The following TRHDE variants were observed in gnomAD, a reference collection of about 807,000 sequenced individuals.
TRHDE encodes the protein thyrotropin releasing hormone degrading enzyme.
TRHDE carries 72 observed loss-of-function variants against 125.7 expected under a neutral mutation model. The ratio of observed to expected loss-of-function variants is 0.57; its 90% confidence interval spans 0.47 to 0.70. The LOEUF (loss-of-function observed/expected upper bound fraction) is 0.70. Ranked by LOEUF, TRHDE falls within the 30% of genes least tolerant of loss-of-function variation. The pLI is 0.00. For missense variants in TRHDE, 1,110 were observed against 1,327.1 expected, an observed-to-expected ratio of 0.84 and a Z score of 2.54; for synonymous variants, 509 against 509.1, an observed-to-expected ratio of 1.00 and a Z score of 0.00.
At chr12:72,478,922 C>CAAAAA (rs67346703) in intron 5 of TRHDE, among the ~76,000 whole-genome samples, 11 of 106,186 alleles carry the variant, frequency 1.0e-4, no homozygotes, top group East Asian at 2.8e-4. Flanking sequence ...TTTTTTTTAG[C>CAAAAA]AAAAAAAAAA....
chr12:72,380,868 TC>T (rs1872140583), intron 3 of TRHDE, among the ~76,000 whole-genome samples: 1 of 147,996 alleles, frequency 6.8e-6, no homozygotes, highest in African/African-American at 2.5e-5. Flanking sequence ...TCTTTCTCTC[TC>T]TCTCTCTTCT....
At chr12:72,127,784 C>T (rs915990245) in intron 2 of TRHDE, among the ~76,000 whole-genome samples, 2 of 152,068 alleles carry the variant, frequency 1.3e-5, no homozygotes, top group Non-Finnish European at 2.9e-5. Flanking sequence ...AATATACGTA[C>T]ATAACAAACT....
At chr12:72,389,464 C>A (rs968473294) in intron 3 of TRHDE, among the ~76,000 whole-genome samples, 8 of 152,172 alleles carry the variant, frequency 5.3e-5, no homozygotes, top group African/African-American at 1.9e-4. Flanking sequence ...TAACAAAATA[C>A]CATAGACCGG....
At chr12:72,642,833 C>T (rs1432977643) in intron 15 of TRHDE, among the ~76,000 whole-genome samples, 7 of 152,106 alleles carry the variant, frequency 4.6e-5, no homozygotes, top group Non-Finnish European at 8.8e-5. Flanking sequence ...ACTGTGGGTT[C>T]TGTGGGGTGT....
intron 3 of TRHDE, among the ~76,000 whole-genome samples, chr12:72,387,847 GC>G (rs1180942239): frequency 6.6e-6 from 1 of 152,040 alleles, no homozygotes; most frequent in Non-Finnish European, 1.5e-5. Flanking sequence ...TGTGCCTTTT[GC>G]CTTCTGCCAT....
intron 2 of TRHDE, among the ~76,000 whole-genome samples, chr12:72,344,352 G>A (rs1045273861): frequency 1.3e-5 from 2 of 152,016 alleles, no homozygotes; most frequent in African/African-American, 4.8e-5. Context: ...CTTAATAAAG[G>A]TTGCTGCTAT....
intron 1 of TRHDE, among the ~76,000 whole-genome samples, chr12:72,091,015 G>A (rs924975789): frequency 3.9e-5 from 6 of 152,036 alleles, no homozygotes; most frequent in East Asian, 1.9e-4. Context: ...AACTAGAGGC[G>A]TGCACCACCA....
chr12:72,295,142 T>TG (rs1267155985), intron 2 of TRHDE, among the ~76,000 whole-genome samples: 2 of 5,480 alleles, frequency 3.6e-4, no homozygotes, highest in Non-Finnish European at 7.4e-4. Context: ...GGCTGGGGGA[T>TG]GGGGGGTGGT....
intron 3 of TRHDE, among the ~76,000 whole-genome samples, chr12:72,434,779 C>T (rs1460966219): frequency 6.6e-6 from 1 of 152,116 alleles, no homozygotes; most frequent in Non-Finnish European, 1.5e-5. Context: ...CCTCTGTACA[C>T]CTAATCTCTG....
At chr12:72,375,308 G>T (rs1377961291) in intron 2 of TRHDE, among the ~76,000 whole-genome samples, 1 of 152,150 alleles carries the variant, frequency 6.6e-6, no homozygotes, top group Non-Finnish European at 1.5e-5. Context: ...CTAGTACAAT[G>T]CCTAGCACAC....
Position 72,272,896 on chromosome 12 carries a change from CT to C in TRHDE, c.255del (p.Val86CysfsTer105). 6.3e-7 allele frequency: 1 copy of C among 1,579,516 alleles called. No individual in the cohort carries two copies. The highest frequency in any genetic ancestry group is 8.5e-7 in the Non-Finnish European group (1 of 1,170,820). On this transcript the variant is annotated frameshift_variant, in exon 1 of 19. Transcript: ENST00000261180. LOFTEE classifies it high-confidence loss of function. This position sits in a 1 kb window ranked among gnomAD's most constrained non-coding sequence, Gnocchi z 6.7. ...GCGCCACATCGCCGTACACAAGCGGCTTGTGCTGGCCTTCGCTGTGTCCCTC... is the reference window on the plus strand; with the variant it reads ...GCGCCACATCGCCGTACACAAGCGGCTGTGCTGGCCTTCGCTGTGTCCCTC... ...TERHIAVHKR[L>X]VLAFAVSLVA...
chr12:72,127,857 T>C (rs1425441106), intron 2 of TRHDE, among the ~76,000 whole-genome samples: 1 of 152,010 alleles, frequency 6.6e-6, no homozygotes, highest in African/African-American at 2.4e-5. Context: ...CAGAGAGACA[T>C]TGTGTGTATA....
intron 1 of TRHDE, among the ~76,000 whole-genome samples, chr12:72,094,098 C>T (rs1160698740): frequency 6.6e-6 from 1 of 152,174 alleles, no homozygotes; most frequent in Non-Finnish European, 1.5e-5. Context: ...GTTGGTGAGC[C>T]TCTTATCAGG....
intron 6 of TRHDE, among the ~76,000 whole-genome samples, chr12:72,504,385 C>T (rs981519199): frequency 1.1e-4 from 16 of 151,248 alleles, no homozygotes; most frequent in African/African-American, 3.9e-4. Flanking sequence ...CTCACTGTAA[C>T]CTCTGCCTCC....
intron 2 of TRHDE, among the ~76,000 whole-genome samples, chr12:72,213,989 A>T (rs1220425811): frequency 1.3e-5 from 2 of 152,190 alleles, no homozygotes; most frequent in Non-Finnish European, 2.9e-5. Flanking sequence ...CAGTCCTTTT[A>T]ATCGTTGGTC....
intron 3 of TRHDE, among the ~76,000 whole-genome samples, chr12:72,399,102 C>T (rs1322323931): frequency 1.3e-5 from 2 of 152,154 alleles, no homozygotes; most frequent in East Asian, 1.9e-4. Flanking sequence ...CTTTAGGTTG[C>T]ATACTCCTTA....
At chr12:72,473,384 A>T (rs1876741672) in intron 5 of TRHDE, among the ~76,000 whole-genome samples, 1 of 152,164 alleles carries the variant, frequency 6.6e-6, no homozygotes, top group Admixed American at 6.5e-5. Context: ...TTTGCTATTC[A>T]TTTGCTTCAA....
At chr12:72,180,906 T>C (rs1877083920) in intron 2 of TRHDE, among the ~76,000 whole-genome samples, 1 of 152,148 alleles carries the variant, frequency 6.6e-6, no homozygotes, top group South Asian at 2.1e-4. Context: ...TGCTTCCTGT[T>C]ATGTGAGCAA....
intron 3 of TRHDE, among the ~76,000 whole-genome samples, chr12:72,438,548 G>A (rs1874852637): frequency 6.6e-6 from 1 of 151,294 alleles, no homozygotes; most frequent in Admixed American, 6.6e-5. Context: ...TATACTTTTT[G>A]GCTATTTTTA....
Sources: allele counts gnomAD v4.1 joint callset (sites outside exome capture counted in the v4.1 genomes callset), GRCh38; gene constraint gnomAD v4.1.1; non-coding constraint Gnocchi (gnomAD v3.1); transcripts MANE v1.5; gene names NCBI Gene and HGNC (gene_info 2026-07-23, HGNC 2026-07-21).